The following B3GALT5 variants were observed in gnomAD, a reference collection of about 807,000 sequenced individuals.
B3GALT5 encodes UDP-Gal:betaGlcNAc beta 1,3-galactosyltransferase, polypeptide 5.
For missense variants in B3GALT5, 328 were observed against 396.6 expected, an observed-to-expected ratio of 0.83 and a Z score of 1.47; for synonymous variants, 156 against 158.6, an observed-to-expected ratio of 0.98 and a Z score of 0.12.
At chr21:39,634,950 G>T (rs554179619) in intron 1 of B3GALT5, among the ~76,000 whole-genome samples, 4 of 152,166 alleles carry the variant, frequency 2.6e-5, no homozygotes, top group Admixed American at 2.6e-4. Flanking sequence ...AACAGCAGGC[G>T]TAAGAAAGCA....
chr21:39,661,635 C>A lies in B3GALT5; in HGVS notation c.*143C>A. 1.3e-6 allele frequency: 1 copy of A among 789,254 alleles called. No homozygotes were observed. The allele number at this position is 789,254 out of a possible 1,614,324, so 48.9% of individuals were successfully genotyped here. A position where few individuals can be genotyped will look rare whatever the true frequency, so the allele number is the denominator to read the frequency against. On this transcript the variant is annotated 3_prime_UTR_variant, in exon 4 of 4. Transcript: ENST00000684187. The surrounding 1 kb of genome is among the most constrained non-coding windows in gnomAD (Gnocchi z 4.7). ...CAGAATGTCGGTGTTCATGAAGTCA[C>A]TGATTAGTTCCCACTTGGTGCCCCA...
intron 2 of B3GALT5, among the ~76,000 whole-genome samples, chr21:39,649,590 G>A (rs1447577874): frequency 6.6e-6 from 1 of 152,208 alleles, no homozygotes; most frequent in Non-Finnish European, 1.5e-5. Flanking sequence ...ATGGACAAGT[G>A]GGGAGGTGCA....
At chr21:39,638,748 G>A (rs2079248322) in intron 1 of B3GALT5, among the ~76,000 whole-genome samples, 1 of 152,142 alleles carries the variant, frequency 6.6e-6, no homozygotes, top group Non-Finnish European at 1.5e-5. Context: ...TTCACCCCTA[G>A]ACACTGCCGT....
intron 1 of B3GALT5, among the ~76,000 whole-genome samples, chr21:39,640,450 C>G (rs2079280906): frequency 6.6e-6 from 1 of 152,152 alleles, no homozygotes; most frequent in African/African-American, 2.4e-5. Context: ...GTTGCTCTCG[C>G]CCCATGGGTG....
chr21:39,660,410 T>C, intron 3 of B3GALT5, 150 bp from the exon 4 acceptor site: 1 of 537,928 alleles, frequency 1.9e-6, no homozygotes, highest in Non-Finnish European at 3.0e-6. Flanking sequence ...TGTGCTTAAC[T>C]GTTTAACCAC....
At chr21:39,623,221 C>T (rs141455706) in intron 1 of B3GALT5, among the ~76,000 whole-genome samples, 46 of 60,982 alleles carry the variant, frequency 7.5e-4, no homozygotes, top group Admixed American at 4.0e-4. Flanking sequence ...CTCCCTCCCT[C>T]CCTCCCTCCC....
At chr21:39,658,642 GGAAA>G (rs909771630) in intron 2 of B3GALT5, among the ~76,000 whole-genome samples, 10 of 151,968 alleles carry the variant, frequency 6.6e-5, no homozygotes, top group African/African-American at 2.2e-4. Flanking sequence ...AGAGAAGGAA[GGAAA>G]GAAAGAAAAG....
chr21:39,639,390 CCT>C lies in B3GALT5; in HGVS notation c.-391-7001_-391-7000del, dbSNP rs1491066524. ...TCCTTCCTTCCTTCCTTCCTTCCTT[CCT>C]TCTTTCTTTTTCTTTCTTTCTTTCT... is the stretch of plus-strand genomic sequence containing the variant. On this transcript the variant is annotated intron_variant, in intron 1 of 3. Transcript: ENST00000684187. Among the ~76,000 whole-genome samples, 142 of 114,618 alleles carry C rather than the reference CCT, an allele frequency of 1.2e-3. 1 individual carries two copies. The highest frequency in any genetic ancestry group is 6.9e-3 in the East Asian group (28 of 4,052). 75.2% of individuals were successfully genotyped at this position (114,618 alleles called of 152,430 possible).
At chr21:39,613,532 C>T (rs1293478276) in intron 1 of B3GALT5, among the ~76,000 whole-genome samples, 2 of 152,196 alleles carry the variant, frequency 1.3e-5, no homozygotes, top group African/African-American at 4.8e-5. Context: ...GACAGCTTTT[C>T]ATTAAGAGAT....
rs2079568841 is a variant in B3GALT5, at chr21:39,665,257, A to G, written c.*3765A>G. 6.6e-6 allele frequency: 1 copy of G among 152,190 alleles called. No individual in the cohort carries two copies. Among genetic ancestry groups the G allele is most frequent in the South Asian group, 2.1e-4 (1 of 4,806 alleles). 9.4% of individuals were successfully genotyped at this position (152,190 alleles called of 1,614,324 possible). A position where few individuals can be genotyped will look rare whatever the true frequency, so the allele number is the denominator to read the frequency against. ...ACCTTCAAATTCTCTCCAGGAGCCA[A>G]CCACCTCCTGCCCCTCCACTGCGAC... On this transcript the variant is annotated 3_prime_UTR_variant, in exon 4 of 4. Transcript: ENST00000684187.
At chr21:39,641,081 G>A (rs2079286321) in intron 1 of B3GALT5, among the ~76,000 whole-genome samples, 1 of 152,162 alleles carries the variant, frequency 6.6e-6, no homozygotes, top group Non-Finnish European at 1.5e-5. Flanking sequence ...GTTGAATGGT[G>A]AAGACTTCCA....
intron 1 of B3GALT5, among the ~76,000 whole-genome samples, chr21:39,619,736 C>A (rs1047268261): frequency 1.3e-5 from 2 of 152,088 alleles, no homozygotes; most frequent in African/African-American, 4.8e-5. Context: ...ATTGCTGTGA[C>A]TTTATAATAT....
chr21:39,620,028 G>C (rs2079126243), intron 1 of B3GALT5, among the ~76,000 whole-genome samples: 1 of 152,070 alleles, frequency 6.6e-6, no homozygotes, highest in South Asian at 2.1e-4. Flanking sequence ...TATTCACTAT[G>C]TTGGCCAGGC....
intron 1 of B3GALT5, among the ~76,000 whole-genome samples, chr21:39,638,617 G>A (rs1055146201): frequency 2.0e-5 from 3 of 152,194 alleles, no homozygotes; most frequent in Non-Finnish European, 2.9e-5. Flanking sequence ...CCGGGATACA[G>A]AAAGCCCTCT....
intron 1 of B3GALT5, among the ~76,000 whole-genome samples, chr21:39,619,813 C>T (rs899479372): frequency 4.0e-5 from 6 of 151,834 alleles, no homozygotes; most frequent in African/African-American, 1.5e-4. Flanking sequence ...TTCTTTCTTT[C>T]TTTTATTTTT....
At chr21:39,655,932 T>C (rs1445306993) in intron 2 of B3GALT5, among the ~76,000 whole-genome samples, 2 of 152,170 alleles carry the variant, frequency 1.3e-5, no homozygotes, top group Non-Finnish European at 2.9e-5. Context: ...GTACAACGAA[T>C]CCACTGAAAT....
intron 1 of B3GALT5, among the ~76,000 whole-genome samples, chr21:39,626,693 T>C (rs1399477754): frequency 3.9e-5 from 6 of 152,250 alleles, no homozygotes; most frequent in Admixed American, 3.9e-4. Context: ...CAGTGGTTGG[T>C]GATGTTGAGC....
At chr21:39,653,508 G>A (rs918363225) in intron 2 of B3GALT5, among the ~76,000 whole-genome samples, 2 of 152,226 alleles carry the variant, frequency 1.3e-5, no homozygotes, top group Non-Finnish European at 2.9e-5. Context: ...CTGGTTCAGG[G>A]ACGCTGGTTT....
In B3GALT5 at chr21:39,659,747, T is replaced by G. The variant is rs1254652799; in HGVS notation, c.-160-6T>G. The G allele has an allele frequency of 1.0e-6, 1 of 983,902 alleles. No individual in the cohort carries two copies. The highest frequency in any genetic ancestry group is 1.2e-6 in the Non-Finnish European group (1 of 828,940). 60.9% of individuals were successfully genotyped at this position (983,902 alleles called of 1,614,324 possible). On this transcript the variant is annotated splice_region_variant and splice_polypyrimidine_tract_variant and intron_variant, in intron 2 of 3. Coordinates refer to ENST00000684187, the MANE Select transcript of B3GALT5 (RefSeq NM_001356336.2). ...TTGAATGACACTCTTTTTTTTTTTT[T>G]CCTAGTGATTCCTGTCAGAATCACC...
Sources: gnomAD v4.1 joint callset for allele counts (sites outside exome capture counted in the v4.1 genomes callset) on GRCh38, gnomAD v4.1.1 for gene constraint, Gnocchi (gnomAD v3.1) non-coding constraint, MANE v1.5 for transcripts, NCBI Gene and HGNC (gene_info 2026-07-23, HGNC 2026-07-21) for gene names.